The following PSMC1 variants were observed in gnomAD, a reference collection of about 807,000 sequenced individuals.
The protein encoded by PSMC1 is 26S proteasome regulatory subunit 4.
PSMC1 carries 5 observed loss-of-function variants against 49.8 expected under a neutral mutation model. That is an observed-to-expected ratio of 0.10 (90% CI 0.05 to 0.21). The LOEUF is 0.21. Ranked by LOEUF, PSMC1 falls within the 10% of genes least tolerant of loss-of-function variation. PSMC1 has a pLI of 1.00. For synonymous variants in PSMC1, 155 were observed against 192.1 expected, an observed-to-expected ratio of 0.81 and a Z score of 1.60; for missense variants, 181 against 535.7, an observed-to-expected ratio of 0.34 and a Z score of 6.54.
At chr14:90,261,193 TACTC>T (rs1048290070) in intron 3 of PSMC1, among the ~76,000 whole-genome samples, 29 of 152,356 alleles carry the variant, frequency 1.9e-4, no homozygotes, top group African/African-American at 6.3e-4. Flanking sequence ...CCTTTGCCCT[TACTC>T]ACTCCTCTGC....
At chr14:90,258,564 C>CT (rs1891338917) in intron 1 of PSMC1, among the ~76,000 whole-genome samples, 1 of 152,118 alleles carries the variant, frequency 6.6e-6, no homozygotes, top group Non-Finnish European at 1.5e-5. Context: ...TATTAATACA[C>CT]TAAGTTCTTA....
chr14:90,269,349 C>T, intron 8 of PSMC1, 48 bp from the exon 9 acceptor site: 1 of 1,517,044 alleles, frequency 6.6e-7, no homozygotes, highest in East Asian at 2.3e-5. Flanking sequence ...TCCCCTTGAG[C>T]AGGCGATCAG....
Position 90,270,241 on chromosome 14 carries a change from G to A in PSMC1, c.1077G>A (p.Lys359=). ...TTGAGTTCCCCCTGCCTGATGAAAA[G>A]ACGAAGAAGCGCATCTTTCAGATTC... ...RKIEFPLPDE[K]TKKRIFQIHT... Residue 359 remains lysine, a synonymous_variant, in exon 10 of 11, where the codon AAG becomes AAA. Coordinates refer to ENST00000261303, the MANE Select transcript of PSMC1 (RefSeq NM_002802.3). 2 of 1,613,696 alleles carry A rather than the reference G, an allele frequency of 1.2e-6. No homozygotes were observed. The highest frequency in any genetic ancestry group is 2.2e-5 in the East Asian group (1 of 44,828).
At chr14:90,269,342 C>G in intron 8 of PSMC1, 55 bp from the exon 9 acceptor site, 1 of 1,497,254 alleles carries the variant, frequency 6.7e-7, no homozygotes, top group East Asian at 2.3e-5. Flanking sequence ...CTGTAATTCC[C>G]CTTGAGCAGG....
intron 3 of PSMC1, among the ~76,000 whole-genome samples, chr14:90,260,551 T>C (rs1334144586): frequency 2.0e-5 from 3 of 152,002 alleles, no homozygotes; most frequent in African/African-American, 7.2e-5. Context: ...CAAAACACGG[T>C]GAAACCCTGT....
chr14:90,270,489 A>G, intron 10 of PSMC1, 137 bp downstream of exon 10: 1 of 963,370 alleles, frequency 1.0e-6, no homozygotes, highest in Non-Finnish European at 1.5e-6. Context: ...GTTTACGATT[A>G]CATCCAAATG....
chr14:90,265,201 G>C, intron 7 of PSMC1, 35 bp downstream of exon 7: 1 of 1,458,346 alleles, frequency 6.9e-7, no homozygotes, highest in African/African-American at 1.4e-5. Context: ...CAGGCACCCA[G>C]CTGGTCTCTT....
intron 7 of PSMC1, among the ~76,000 whole-genome samples, chr14:90,267,119 CTT>C (rs759730140): frequency 4.9e-4 from 74 of 151,574 alleles, no homozygotes; most frequent in Non-Finnish European, 8.4e-4. Context: ...TTTGCTGACT[CTT>C]GTTTTTCTTT....
chr14:90,259,691 G>A (rs917555923), intron 2 of PSMC1, among the ~76,000 whole-genome samples: 2 of 151,972 alleles, frequency 1.3e-5, no homozygotes, highest in Middle Eastern at 3.4e-3. Context: ...GCATGATCTC[G>A]GCTCACTGCA....
intron 1 of PSMC1, among the ~76,000 whole-genome samples, chr14:90,257,643 C>T (rs571211949): frequency 8.5e-5 from 13 of 152,268 alleles, no homozygotes; most frequent in South Asian, 2.1e-4. Flanking sequence ...GAGTCTTGGT[C>T]TGTCGTCCAG....
chr14:90,271,439 TG>T (rs1891659237), intron 10 of PSMC1: 1 of 152,250 alleles, frequency 6.6e-6, no homozygotes, highest in Admixed American at 6.5e-5. Context: ...CATGGGTTAT[TG>T]TTTTCTTTTA....
Position 90,272,114 on chromosome 14 carries a change from G to C in PSMC1, c.1189-159G>C, listed in dbSNP as rs530341526. ...TCACCGTGTTGGCCAGGCTGGTCTTGAACTCCTGACCTTAGGCGATCCACC... is the reference window on the plus strand; with the variant it reads ...TCACCGTGTTGGCCAGGCTGGTCTTCAACTCCTGACCTTAGGCGATCCACC... On this transcript the variant is annotated intron_variant, in intron 10 of 10. Transcript: ENST00000261303. This position sits in a 1 kb window ranked among gnomAD's most constrained non-coding sequence, Gnocchi z 4.5. 11 of 631,136 alleles carry C rather than the reference G, an allele frequency of 1.7e-5. No homozygotes were observed. Among genetic ancestry groups the C allele is most frequent in the Non-Finnish European group, 2.9e-5 (11 of 383,380 alleles). The allele number at this position is 631,136 out of a possible 1,614,324, so 39.1% of individuals were successfully genotyped here.
At position 90,272,131 on chromosome 14, in the gene PSMC1, C is replaced by T. The variant is rs1254856185; in HGVS notation, c.1189-142C>T. The T allele has an allele frequency of 1.1e-5, 9 of 790,588 alleles. No homozygotes were observed. Among genetic ancestry groups the T allele is most frequent in the African/African-American group, 3.6e-5 (2 of 55,204 alleles). 49.0% of individuals were successfully genotyped at this position (790,588 alleles called of 1,614,324 possible). ...CTGGTCTTGAACTCCTGACCTTAGG[C>T]GATCCACCTGCCTCGGCCTCCCAGA... is the stretch of plus-strand genomic sequence containing the variant. On this transcript the variant is annotated intron_variant, in intron 10 of 10. Transcript: ENST00000261303. This position sits in a 1 kb window ranked among gnomAD's most constrained non-coding sequence, Gnocchi z 4.5.
At chr14:90,257,052 G>A (rs1481053571) in intron 1 of PSMC1, among the ~76,000 whole-genome samples, 1 of 152,194 alleles carries the variant, frequency 6.6e-6, no homozygotes, top group Non-Finnish European at 1.5e-5. Context: ...GTCGTGGAAG[G>A]CCTTTCGGAG....
chr14:90,264,906 C>T (rs117130307), intron 6 of PSMC1, among the ~76,000 whole-genome samples, 164 bp from the exon 7 acceptor site: 2 of 152,330 alleles, frequency 1.3e-5, no homozygotes, highest in East Asian at 1.9e-4. Flanking sequence ...CAGGTGTCAT[C>T]TTCAGTATGT....
intron 7 of PSMC1, among the ~76,000 whole-genome samples, chr14:90,266,586 C>G (rs916072547): frequency 6.6e-6 from 1 of 152,182 alleles, no homozygotes; most frequent in Non-Finnish European, 1.5e-5. Context: ...ACACAGGCCT[C>G]CTGACCCACA....
chr14:90,271,623 G>A (rs553372883), intron 10 of PSMC1: 1 of 152,136 alleles, frequency 6.6e-6, no homozygotes, highest in East Asian at 1.9e-4. Context: ...CTAAGTTTCA[G>A]GGCATAATTT....
In PSMC1 at chr14:90,264,183, G is replaced by A; in HGVS notation, c.594+14G>A. On this transcript the variant is annotated intron_variant, in intron 6 of 10. Coordinates refer to ENST00000261303, the MANE Select transcript of PSMC1 (RefSeq NM_002802.3). Reference sequence around the variant, plus strand: ...CAGGAAATTAAGGTATGATTGATTGGTAACCATCTCTGGGTTTCAGTTTTG... The same window carrying A: ...CAGGAAATTAAGGTATGATTGATTGATAACCATCTCTGGGTTTCAGTTTTG... The A allele has an allele frequency of 6.2e-7, 1 of 1,611,818 alleles. No homozygotes were observed. The highest frequency in any genetic ancestry group is 1.1e-5 in the South Asian group (1 of 90,776).
chr14:90,257,886 G>A (rs1891326417), intron 1 of PSMC1, among the ~76,000 whole-genome samples: 1 of 152,208 alleles, frequency 6.6e-6, no homozygotes, highest in Admixed American at 6.5e-5. Flanking sequence ...CACCGCGCCC[G>A]GCCTCATAGA....
Sources: gnomAD v4.1 joint callset for allele counts (sites outside exome capture counted in the v4.1 genomes callset) on GRCh38, gnomAD v4.1.1 for gene constraint, Gnocchi (gnomAD v3.1) non-coding constraint, MANE v1.5 for transcripts, NCBI Gene and HGNC (gene_info 2026-07-23, HGNC 2026-07-21) for gene names.